The following MYO9B variants were observed in gnomAD, a reference collection of about 807,000 sequenced individuals.
MYO9B encodes the protein myosin IXB.
A neutral mutation model predicts 229.5 loss-of-function variants in MYO9B; 71 were observed. That is an observed-to-expected ratio of 0.31 (90% CI 0.26 to 0.38). The LOEUF is 0.38. Among genes scored for constraint, MYO9B ranks in the 10% least tolerant of loss-of-function variants. MYO9B has a pLI of 1.00. For missense variants in MYO9B, 2,255 were observed against 2,920.5 expected, an observed-to-expected ratio of 0.77 and a Z score of 5.25; for synonymous variants, 1,185 against 1,235.8, an observed-to-expected ratio of 0.96 and a Z score of 0.86.
chr19:17,089,063 A>G (rs2057611760), intron 1 of MYO9B, among the ~76,000 whole-genome samples: 1 of 152,102 alleles, frequency 6.6e-6, no homozygotes. Flanking sequence ...AGTTTTCTTA[A>G]CAATTTCTTC....
intron 2 of MYO9B, among the ~76,000 whole-genome samples, chr19:17,109,813 C>A (rs1248527635): frequency 6.6e-6 from 1 of 152,214 alleles, no homozygotes; most frequent in Non-Finnish European, 1.5e-5. Flanking sequence ...CTCATGGGAT[C>A]ACCTCATCTC....
chr19:17,132,178 C>CTTTTTTTTTTTTTTTTT (rs60927116), intron 2 of MYO9B, among the ~76,000 whole-genome samples: 3 of 78,424 alleles, frequency 3.8e-5, no homozygotes, highest in African/African-American at 1.1e-4. Flanking sequence ...TATTTTATTT[C>CTTTTTTTTTTTTTTTTT]TTTTTTTTTT....
At chr19:17,180,341 A>ATCTTTT (rs1555701612) in intron 14 of MYO9B, among the ~76,000 whole-genome samples, 6 of 88,004 alleles carry the variant, frequency 6.8e-5, no homozygotes, top group South Asian at 3.7e-4. Flanking sequence ...GATGGAAATA[A>ATCTTTT]TTTTTTTTTT....
At chr19:17,144,989 A>G (rs1204690003) in intron 2 of MYO9B, among the ~76,000 whole-genome samples, 1 of 151,284 alleles carries the variant, frequency 6.6e-6, no homozygotes, top group East Asian at 1.9e-4. Context: ...AAAAAAAAAA[A>G]AAGAAAAAGA....
At chr19:17,084,141 G>C (rs2057560175) in intron 1 of MYO9B, among the ~76,000 whole-genome samples, 1 of 151,988 alleles carries the variant, frequency 6.6e-6, no homozygotes, top group Non-Finnish European at 1.5e-5. Context: ...TTCCAGACCA[G>C]CCTTGGCAAC....
intron 22 of MYO9B, 82 bp from the exon 23 acceptor site, chr19:17,197,710 T>G: frequency 1.8e-5 from 27 of 1,537,550 alleles, no homozygotes; most frequent in Non-Finnish European, 2.2e-5. Flanking sequence ...ACTGCCCAAG[T>G]GAGAACCCAA....
intron 7 of MYO9B, among the ~76,000 whole-genome samples, chr19:17,158,863 T>C (rs2072566812): frequency 6.6e-6 from 1 of 152,104 alleles, no homozygotes; most frequent in Non-Finnish European, 1.5e-5. Context: ...GGCAAGCCCG[T>C]GCTATGTGGG....
intron 2 of MYO9B, among the ~76,000 whole-genome samples, chr19:17,116,029 C>CAG (rs1568669979): frequency 1.3e-5 from 2 of 151,592 alleles, no homozygotes; most frequent in African/African-American, 4.8e-5. Context: ...CTCTCTGCCC[C>CAG]ACAGCTGGGA....
At position 17,197,780 on chromosome 19, in the gene MYO9B, G is replaced by A; in HGVS notation, c.4047-12G>A. On this transcript the variant is annotated splice_polypyrimidine_tract_variant and intron_variant, in intron 22 of 39. Transcript: ENST00000682292. ...TCTAGTCAGTAAAAGCCATGTTTCT[G>A]TGATCTCGCAGGGAGAGGCGCACCT... 3.7e-6 allele frequency: 6 copies of A among 1,613,764 alleles called. No homozygotes were observed. Among genetic ancestry groups the A allele is most frequent in the Non-Finnish European group, 5.1e-6 (6 of 1,179,860 alleles).
chr19:17,154,958 C>T (rs563154057), intron 6 of MYO9B, among the ~76,000 whole-genome samples: 3 of 151,852 alleles, frequency 2.0e-5, no homozygotes, highest in Non-Finnish European at 4.4e-5. Flanking sequence ...GGTGACAGAG[C>T]GAGACCCAGT....
Position 17,201,938 on chromosome 19 carries a change from C to A in MYO9B, c.4576C>A (p.Arg1526Ser). ...TCTCCCCTTCCAGATAAATGACCTCCGTTCCCAGAAGACGCCCATTGAGAG... is the reference window on the plus strand; with the variant it reads ...TCTCCCCTTCCAGATAAATGACCTCAGTTCCCAGAAGACGCCCATTGAGAG... ...EFLLNKINDL[R>S]SQKTPIESLF... Residue 1526 changes from arginine to serine, a missense_variant, in exon 27 of 40, where the codon CGT (arginine) becomes AGT (serine). Physicochemically the swap from Arg to Ser is moderately radical, Grantham distance 110 (BLOSUM62 -1). Around this residue, in one of 7 missense-constraint regions of MYO9B, gnomAD observed 416 missense variants for 605.5 expected, o/e 0.69. Transcript: ENST00000682292. The A allele has an allele frequency of 6.2e-7, 1 of 1,612,612 alleles. No homozygotes were observed. The highest frequency in any genetic ancestry group is 1.1e-5 in the South Asian group (1 of 90,690).
chr19:17,079,219 T>A (rs1054425702), intron 1 of MYO9B, among the ~76,000 whole-genome samples: 3 of 152,122 alleles, frequency 2.0e-5, no homozygotes, highest in Non-Finnish European at 2.9e-5. Flanking sequence ...CCTTGGTGTT[T>A]GTGGAGCCCC....
At chr19:17,164,095 TATC>T (rs764269958) in intron 10 of MYO9B, among the ~76,000 whole-genome samples, 5 of 152,176 alleles carry the variant, frequency 3.3e-5, no homozygotes, top group Admixed American at 2.6e-4. Flanking sequence ...TATAAGGAAA[TATC>T]ATGTTGTTGC....
intron 1 of MYO9B, among the ~76,000 whole-genome samples, chr19:17,081,658 A>T (rs2057534620): frequency 6.6e-6 from 1 of 151,868 alleles, no homozygotes; most frequent in South Asian, 2.1e-4. Flanking sequence ...AAAATACAAA[A>T]ATTAGCTGGG....
chr19:17,114,848 C>G (rs527686103), intron 2 of MYO9B, among the ~76,000 whole-genome samples: 1 of 151,724 alleles, frequency 6.6e-6, no homozygotes, highest in Non-Finnish European at 1.5e-5. Context: ...ACAGGATCAG[C>G]GGCCAGAGAT....
rs1426663120 is a variant in MYO9B, at chr19:17,200,416, G to T, written c.4362G>T (p.Lys1454Asn). 1.3e-6 allele frequency: 2 copies of T among 1,579,218 alleles called. No homozygotes were observed. Among genetic ancestry groups the T allele is most frequent in the Non-Finnish European group, 1.7e-6 (2 of 1,162,222 alleles). Residue 1454 changes from lysine to asparagine, a missense_variant, in exon 25 of 40, where the codon AAG becomes AAT. Physicochemically the swap from Lys to Asn is moderately conservative, Grantham distance 94. Coordinates refer to ENST00000682292, the MANE Select transcript of MYO9B (RefSeq NM_004145.4). Reference sequence around the variant, plus strand: ...TGCTGGAAGCCACCACCATGAAGAAGGGCCTGGAAGGTTGGTAGCCTGCAG... The same window carrying T: ...TGCTGGAAGCCACCACCATGAAGAATGGCCTGGAAGGTTGGTAGCCTGCAG... ...HVVLEATTMK[K>N]GLEAPSGQQH...
intron 2 of MYO9B, among the ~76,000 whole-genome samples, chr19:17,114,174 A>G (rs541592594): frequency 1.3e-5 from 2 of 152,324 alleles, no homozygotes; most frequent in East Asian, 3.9e-4. Flanking sequence ...GGCCAACTGT[A>G]TGACAAGATA....
At chr19:17,199,878 T>C (rs556312192) in intron 24 of MYO9B, among the ~76,000 whole-genome samples, 2 of 151,040 alleles carry the variant, frequency 1.3e-5, no homozygotes, top group South Asian at 2.1e-4. Flanking sequence ...TTTGTTTTTT[T>C]TTTTGAGACA....
chr19:17,176,284 C>T (rs947564554), intron 14 of MYO9B, among the ~76,000 whole-genome samples: 2 of 152,112 alleles, frequency 1.3e-5, no homozygotes, highest in African/African-American at 4.8e-5. Context: ...GATCCACCCG[C>T]CTCAGCCTCC....
Sources: allele counts gnomAD v4.1 joint callset (sites outside exome capture counted in the v4.1 genomes callset), GRCh38; gene constraint gnomAD v4.1.1; regional missense constraint gnomAD v4.1.1; transcripts MANE v1.5; gene names NCBI Gene and HGNC (gene_info 2026-07-23, HGNC 2026-07-21).